The following OTUD7B variants were observed in gnomAD, a reference collection of about 807,000 sequenced individuals.
OTUD7B encodes the protein OTU deubiquitinase 7B.
OTUD7B carries 34 observed loss-of-function variants against 82.2 expected under a neutral mutation model. The ratio of observed to expected loss-of-function variants is 0.41; its 90% CI spans 0.31 to 0.55. OTUD7B has a LOEUF of 0.55. OTUD7B is among the 20% of genes least tolerant of loss of function. OTUD7B has a pLI of 0.20. For synonymous variants in OTUD7B, 398 were observed against 402.7 expected (o/e 0.99, Z 0.14); for missense variants, 944 against 1,062.1 (o/e 0.89, Z 1.55).
intron 1 of OTUD7B, among the ~76,000 whole-genome samples, chr1:149,994,607 C>T (rs1553119767): frequency 5.8e-5 from 1 of 17,190 alleles, no homozygotes; most frequent in Admixed American, 6.9e-4. Flanking sequence ...AAAAAAAAAA[C>T]CCAATTTTTT....
At chr1:150,021,637 C>T in the OTUD7B span, among the ~76,000 whole-genome samples, 1 of 152,122 alleles carries the variant, frequency 6.6e-6, no homozygotes, top group Non-Finnish European at 1.5e-5. Context: ...GAACTAAGTC[C>T]GCATTGGATT....
rs193127809 is a variant in OTUD7B at position 150,000,125 on chromosome 1, T to G, written c.-67+10323A>C. ...ATCAGGAACGTTTTTGTGGAAGAGA[T>G]AGTTTACACTGGGACTTTAAGAATG... On this transcript the variant is annotated intron_variant, in intron 1 of 11. Coordinates refer to ENST00000581312, the MANE Select transcript of OTUD7B (RefSeq NM_020205.4). Among the ~76,000 whole-genome samples, 6 of 152,280 alleles carry G rather than the reference T, an allele frequency of 3.9e-5. No homozygotes were observed. In the South Asian group the frequency reaches 1.2e-3, roughly 32 times the overall value.
chr1:149,967,045 C>T (rs1186206377), intron 4 of OTUD7B, among the ~76,000 whole-genome samples: 2 of 152,200 alleles, frequency 1.3e-5, no homozygotes, highest in South Asian at 2.1e-4. Flanking sequence ...GTATTGATTT[C>T]GAGGTATTGA....
chr1:150,051,480 CAT>C, the OTUD7B span, among the ~76,000 whole-genome samples: 216 of 151,888 alleles, frequency 1.4e-3, 1 homozygote, highest in East Asian at 9.1e-3. Flanking sequence ...TAATAAATGA[CAT>C]GTTATTTATT....
the OTUD7B span, among the ~76,000 whole-genome samples, chr1:150,032,895 C>T: frequency 1.3e-5 from 2 of 152,262 alleles, no homozygotes; most frequent in Middle Eastern, 3.4e-3. Context: ...AGTTCACCAC[C>T]GTCCTCACCA....
chr1:149,964,534 AAAT>A (rs1157868087), intron 5 of OTUD7B, among the ~76,000 whole-genome samples, 185 bp from the exon 6 acceptor site: 9 of 151,836 alleles, frequency 5.9e-5, no homozygotes, highest in African/African-American at 2.2e-4. Flanking sequence ...ACCAGGCTGC[AAAT>A]AATATATTAA....
chr1:150,027,925 T>C, the OTUD7B span, among the ~76,000 whole-genome samples: 4 of 152,172 alleles, frequency 2.6e-5, no homozygotes, highest in African/African-American at 7.2e-5. Context: ...TTCTCAGACA[T>C]TTTTAATACA....
chr1:150,054,595 G>C, the OTUD7B span: 1 of 393,070 alleles, frequency 2.5e-6, no homozygotes, highest in East Asian at 7.3e-5. Context: ...ATCACTTGAG[G>C]TCAGGAGTTC....
At chr1:150,021,536 G>A in the OTUD7B span, among the ~76,000 whole-genome samples, 1 of 152,184 alleles carries the variant, frequency 6.6e-6, no homozygotes, top group Non-Finnish European at 1.5e-5. Context: ...CCCAAGTCCA[G>A]TAGTTAAAGC....
chr1:150,013,973 C>T (rs12142347), upstream of OTUD7B, among the ~76,000 whole-genome samples: 8 of 128,302 alleles, frequency 6.2e-5, no homozygotes, highest in African/African-American at 1.4e-4. Context: ...CACACACACA[C>T]ATATATATAC....
At chr1:150,021,544 A>G in the OTUD7B span, among the ~76,000 whole-genome samples, 1 of 152,224 alleles carries the variant, frequency 6.6e-6, no homozygotes. Flanking sequence ...CAGTAGTTAA[A>G]GCAGATATGA....
intron 3 of OTUD7B, 61 bp downstream of exon 3, chr1:149,971,002 C>T: frequency 7.2e-7 from 1 of 1,386,730 alleles, no homozygotes; most frequent in Non-Finnish European, 9.8e-7. Context: ...CTTTATGACT[C>T]CATTTAACAA....
At chr1:150,013,991 TATATACACAC>T (rs1420782742), upstream of OTUD7B, among the ~76,000 whole-genome samples, 12 of 123,282 alleles carry the variant, frequency 9.7e-5, no homozygotes, top group Non-Finnish European at 2.1e-4. Context: ...TACACACACA[TATATACACAC>T]ATATATATAC....
At chr1:149,974,568 T>TTTTG (rs1205897204) in intron 2 of OTUD7B, among the ~76,000 whole-genome samples, 13 of 119,520 alleles carry the variant, frequency 1.1e-4, no homozygotes, top group South Asian at 2.5e-4. Flanking sequence ...TTTTTTTTTG[T>TTTTG]AGACAGAGTC....
chr1:150,007,234 A>G (rs1298866331), intron 1 of OTUD7B, among the ~76,000 whole-genome samples: 1 of 152,186 alleles, frequency 6.6e-6, no homozygotes, highest in Non-Finnish European at 1.5e-5. Context: ...GAATGCTCAC[A>G]TTTTACAGAT....
chr1:150,014,492 C>A (rs1653214627), upstream of OTUD7B, among the ~76,000 whole-genome samples: 1 of 151,342 alleles, frequency 6.6e-6, no homozygotes. Flanking sequence ...GGAATTTACC[C>A]AATAGAAATG....
rs1328297894 is a variant in OTUD7B, at chr1:149,950,848, G to A, written c.846-627C>T. ...TCGTTCTGTCCCCCAGGCTGGAGCA[G>A]TGGCGCGATCTCGGCTCACTGCAAG... On this transcript the variant is annotated intron_variant, in intron 7 of 11. Coordinates refer to ENST00000581312, the MANE Select transcript of OTUD7B (RefSeq NM_020205.4). Among the ~76,000 whole-genome samples, 7 of 144,344 alleles carry A rather than the reference G, an allele frequency of 4.8e-5. No homozygotes were observed. In the East Asian group the frequency reaches 1.4e-3, roughly 29 times the overall value. The allele number at this position is 144,344 out of a possible 152,430, so 94.7% of individuals were successfully genotyped here.
chr1:150,010,947 C>G (rs1653010267), upstream of OTUD7B, among the ~76,000 whole-genome samples: 1 of 152,212 alleles, frequency 6.6e-6, no homozygotes, highest in Non-Finnish European at 1.5e-5. Context: ...CATTCTTGAA[C>G]AGGAGTTGGA....
intron 1 of OTUD7B, among the ~76,000 whole-genome samples, chr1:149,985,709 C>G (rs904888461): frequency 6.6e-6 from 1 of 150,932 alleles, no homozygotes. Flanking sequence ...GATGGCACCA[C>G]TGCACTCAGC....
Sources: gnomAD v4.1 joint callset for allele counts (sites outside exome capture counted in the v4.1 genomes callset) on GRCh38, gnomAD v4.1.1 for gene constraint, MANE v1.5 for transcripts, NCBI Gene and HGNC (gene_info 2026-07-23, HGNC 2026-07-21) for gene names.